Variants in NBEA observed in about 807,000 individuals in gnomAD.
The protein encoded by NBEA is lysosomal-trafficking regulator 2.
Under a neutral mutation model 343.4 loss-of-function variants are expected in NBEA, and 44 were observed. The ratio of observed to expected loss-of-function variants is 0.13; its 90% CI spans 0.10 to 0.16. NBEA has a LOEUF of 0.16. Ranked by LOEUF, NBEA falls within the 10% of genes least tolerant of loss-of-function variation. The probability of loss-of-function intolerance (pLI) is 1.00; values close to 1 mark genes in which losing one functional copy is unlikely to be tolerated. For missense variants in NBEA, 2,555 were observed against 3,631.3 expected, an observed-to-expected ratio of 0.70 and a Z score of 7.62; for synonymous variants, 1,175 against 1,238.7, an observed-to-expected ratio of 0.95 and a Z score of 1.08.
At chr13:35,500,083 T>A (rs1225661329) in intron 41 of NBEA, among the ~76,000 whole-genome samples, 1 of 152,064 alleles carries the variant, frequency 6.6e-6, no homozygotes, top group Non-Finnish European at 1.5e-5. Flanking sequence ...GTTCTAAAAG[T>A]TACCTGTTTA....
intron 34 of NBEA, among the ~76,000 whole-genome samples, chr13:35,284,596 T>A (rs2035296563): frequency 6.6e-6 from 1 of 152,220 alleles, no homozygotes. Context: ...CATCTTAATA[T>A]TAATTTTAGC....
chr13:35,214,330 G>A (rs1410227830), intron 33 of NBEA, among the ~76,000 whole-genome samples: 1 of 151,946 alleles, frequency 6.6e-6, no homozygotes, highest in East Asian at 1.9e-4. Flanking sequence ...GAGCTGTTGT[G>A]CAAAGTAGTA....
At position 35,388,110 on chromosome 13, in the gene NBEA, C is replaced by T. The variant is rs202018573; in HGVS notation, c.6179+35787C>T. On this transcript the variant is annotated intron_variant, in intron 38 of 58. Transcript: ENST00000379939. ...AACTATCAATTATTCCTGACCTATGCTTCTCCCCTCTGTCTATTCCCTACC... is the reference window on the plus strand; with the variant it reads ...AACTATCAATTATTCCTGACCTATGTTTCTCCCCTCTGTCTATTCCCTACC... Among the ~76,000 whole-genome samples, 22 of 152,170 alleles carry T rather than the reference C, an allele frequency of 1.4e-4. No homozygotes were observed. The East Asian group carries it at 3.9e-3, about 27-fold the overall frequency.
intron 38 of NBEA, among the ~76,000 whole-genome samples, chr13:35,357,601 C>T (rs576035600): frequency 5.3e-5 from 8 of 152,230 alleles, no homozygotes; most frequent in African/African-American, 1.9e-4. Context: ...CCCCCAGCTC[C>T]ATCCATGTCC....
intron 36 of NBEA, among the ~76,000 whole-genome samples, chr13:35,330,113 A>G (rs1323871544): frequency 6.6e-6 from 1 of 152,014 alleles, no homozygotes; most frequent in Non-Finnish European, 1.5e-5. Context: ...TTCCCGAACA[A>G]CATAGTCACC....
chr13:35,185,953 C>G (rs1436657758), intron 30 of NBEA: 1 of 151,920 alleles, frequency 6.6e-6, no homozygotes, highest in Non-Finnish European at 1.5e-5. Context: ...TCAAAGAGCA[C>G]AAACAAAAGT....
chr13:35,032,429 G>A (rs1307536316), intron 1 of NBEA, among the ~76,000 whole-genome samples: 1 of 151,660 alleles, frequency 6.6e-6, no homozygotes, highest in Non-Finnish European at 1.5e-5. Flanking sequence ...TCATAAGCTT[G>A]TTGGCCACAC....
At chr13:35,602,884 G>A (rs997149942) in intron 47 of NBEA, among the ~76,000 whole-genome samples, 1 of 152,130 alleles carries the variant, frequency 6.6e-6, no homozygotes, top group African/African-American at 2.4e-5. Flanking sequence ...CTTTGGTGGA[G>A]GCCAGCTGTT....
At chr13:35,630,497 C>A (rs1262747521) in intron 49 of NBEA, among the ~76,000 whole-genome samples, 2 of 152,124 alleles carry the variant, frequency 1.3e-5, no homozygotes, top group Non-Finnish European at 2.9e-5. Flanking sequence ...AGCTTCATGA[C>A]CTTCTAGTGA....
intron 47 of NBEA, among the ~76,000 whole-genome samples, chr13:35,602,844 C>G (rs553117053): frequency 2.6e-5 from 4 of 152,296 alleles, no homozygotes; most frequent in Non-Finnish European, 5.9e-5. Flanking sequence ...AAAGAACCAT[C>G]AAGACAGATC....
At chr13:35,331,181 GT>G (rs1306678417) in intron 36 of NBEA, among the ~76,000 whole-genome samples, 1 of 151,960 alleles carries the variant, frequency 6.6e-6, no homozygotes. Flanking sequence ...CCATTTTCAG[GT>G]ACTTTTTAGT....
At chr13:35,176,912 C>A in intron 27 of NBEA, 84 bp from the exon 28 acceptor site, 1 of 836,940 alleles carries the variant, frequency 1.2e-6, no homozygotes, top group South Asian at 1.6e-5. Context: ...CATGATGTGA[C>A]CAGTTTAGCC....
intron 49 of NBEA, among the ~76,000 whole-genome samples, chr13:35,641,629 G>T (rs1394686505): frequency 7.2e-5 from 11 of 152,052 alleles, no homozygotes; most frequent in Middle Eastern, 3.2e-3. Context: ...AATAATTGAT[G>T]ATAAACATCA....
At chr13:35,309,336 G>A (rs1156557947) in intron 35 of NBEA, among the ~76,000 whole-genome samples, 192 bp from the exon 36 acceptor site, 2 of 151,974 alleles carry the variant, frequency 1.3e-5, no homozygotes, top group Admixed American at 6.6e-5. Flanking sequence ...TGAATCAAAA[G>A]CACCTTATAA....
At chr13:35,119,044 T>A (rs926802397) in intron 16 of NBEA, among the ~76,000 whole-genome samples, 1 of 152,118 alleles carries the variant, frequency 6.6e-6, no homozygotes, top group African/African-American at 2.4e-5. Flanking sequence ...GATGATGACT[T>A]GAGACAGTGG....
At chr13:35,140,691 C>T (rs890156198) in intron 17 of NBEA, among the ~76,000 whole-genome samples, 2 of 151,974 alleles carry the variant, frequency 1.3e-5, no homozygotes, top group Non-Finnish European at 2.9e-5. Context: ...GAGTGTGGCT[C>T]TTGGAGGCTA....
rs78468684 is a variant in NBEA, at chr13:34,959,372, T to C, written c.294+16258T>C. Reference sequence around the variant, plus strand: ...GACAGGAAGCTCTGCTTGGGTGGGATTGGAGGTGCAGTCTTTCAATACTGG... The same window carrying C: ...GACAGGAAGCTCTGCTTGGGTGGGACTGGAGGTGCAGTCTTTCAATACTGG... On this transcript the variant is annotated intron_variant, in intron 1 of 58. Transcript: ENST00000379939. Among the ~76,000 whole-genome samples the C allele has an allele frequency of 2.6e-4, 40 of 152,178 alleles. No homozygotes were observed. In the East Asian group the frequency reaches 7.5e-3, roughly 29 times the overall value.
At chr13:35,540,568 A>G (rs1438056684) in intron 41 of NBEA, among the ~76,000 whole-genome samples, 1 of 152,204 alleles carries the variant, frequency 6.6e-6, no homozygotes. Context: ...ATCATTTTTA[A>G]TTTTGAGAGT....
intron 33 of NBEA, among the ~76,000 whole-genome samples, chr13:35,217,641 G>A (rs2074137256): frequency 6.6e-6 from 1 of 152,004 alleles, no homozygotes; most frequent in Admixed American, 6.6e-5. Context: ...TGCCCATGAG[G>A]CATGTTTTTA....
Sources: gnomAD v4.1 joint callset for allele counts (sites outside exome capture counted in the v4.1 genomes callset) on GRCh38, gnomAD v4.1.1 for gene constraint, MANE v1.5 for transcripts, NCBI Gene and HGNC (gene_info 2026-07-23, HGNC 2026-07-21) for gene names.